IGSF10: variants seen among roughly 807,000 people sequenced by gnomAD.
The protein encoded by IGSF10 is calvaria mechanical force protein 608.
Under a neutral mutation model 128.2 loss-of-function variants are expected in IGSF10, and 126 were observed. That is an observed-to-expected ratio of 0.98 (90% CI 0.85 to 1.14). IGSF10 has a LOEUF of 1.14. Ranked by LOEUF, IGSF10 falls within the 50% of genes most tolerant of loss-of-function variation. The pLI, the probability that IGSF10 is intolerant of heterozygous loss-of-function variation, is 0.00. For synonymous variants in IGSF10, 1,185 were observed against 1,146.2 expected, an observed-to-expected ratio of 1.03 and a Z score of -0.68; for missense variants, 3,295 against 3,149.8, an observed-to-expected ratio of 1.05 and a Z score of -1.10.
chr3:151,566,647 T>C, the IGSF10 span, among the ~76,000 whole-genome samples: 1 of 152,214 alleles, frequency 6.6e-6, no homozygotes, highest in Admixed American at 6.5e-5. Context: ...TTCAGTTCAT[T>C]GGCCAGAATA....
At chr3:151,504,576 A>T in the IGSF10 span, among the ~76,000 whole-genome samples, 120,980 of 152,088 alleles carry the variant, frequency 0.8, 48,250 homozygotes, top group Middle Eastern at 0.9. Context: ...TATCAAACTC[A>T]CATTTCCAAT....
chr3:151,550,373 A>G, the IGSF10 span, among the ~76,000 whole-genome samples: 1 of 152,148 alleles, frequency 6.6e-6, no homozygotes, highest in East Asian at 1.9e-4. Flanking sequence ...TTTAATTGAG[A>G]ATTTATTTTT....
the IGSF10 span, among the ~76,000 whole-genome samples, chr3:151,504,194 T>C: frequency 1.3e-5 from 2 of 152,178 alleles, no homozygotes; most frequent in African/African-American, 2.4e-5. Flanking sequence ...ATTCCTCCTA[T>C]ATTAAATTTA....
the IGSF10 span, among the ~76,000 whole-genome samples, chr3:151,609,362 AT>A: frequency 6.6e-6 from 1 of 152,192 alleles, no homozygotes; most frequent in Non-Finnish European, 1.5e-5. Context: ...TCATTGAAGA[AT>A]TTTAATCAGG....
the IGSF10 span, among the ~76,000 whole-genome samples, chr3:151,578,201 A>C: frequency 6.6e-6 from 1 of 152,224 alleles, no homozygotes; most frequent in South Asian, 2.1e-4. Context: ...GAAATTACCT[A>C]AATTTTTAAT....
chr3:151,593,273 T>A, the IGSF10 span, among the ~76,000 whole-genome samples: 1 of 152,026 alleles, frequency 6.6e-6, no homozygotes, highest in Non-Finnish European at 1.5e-5. Context: ...CAACCATACC[T>A]GGCTAATTTT....
chr3:151,463,457 C>G (rs569971279), upstream of IGSF10, among the ~76,000 whole-genome samples: 2 of 147,942 alleles, frequency 1.4e-5, no homozygotes, highest in East Asian at 2.0e-4. Flanking sequence ...TGATTCAGAG[C>G]CAAAATACAA....
In IGSF10 at chr3:151,443,712, G is replaced by C. The variant is rs1462684994; in HGVS notation, c.5235C>G (p.Pro1745=). 6 of 1,614,146 alleles carry C rather than the reference G, an allele frequency of 3.7e-6. No individual in the cohort carries two copies. The Admixed American group carries it at 6.7e-5, about 18-fold the overall frequency. Reference sequence around the variant, plus strand: ...CTTTGGTACGTCTCTCCAGGATCCTGGGAGGATAGGAAACCACAGACAAGG... The same window carrying C: ...CTTTGGTACGTCTCTCCAGGATCCTCGGAGGATAGGAAACCACAGACAAGG... ...HVTLSVVSYP[P]RILERRTKEI... is the part of the protein sequence containing the mutation. The change falls in exon 7 of 8, where the codon CCC becomes CCG. Residue 1745 remains proline (P), a synonymous_variant. Coordinates refer to ENST00000282466, the MANE Select transcript of IGSF10 (RefSeq NM_178822.5).
the IGSF10 span, among the ~76,000 whole-genome samples, chr3:151,501,295 T>C: frequency 6.6e-6 from 1 of 152,076 alleles, no homozygotes; most frequent in Non-Finnish European, 1.5e-5. Flanking sequence ...AGCCCATTCA[T>C]TCAAGAGCTG....
the IGSF10 span, among the ~76,000 whole-genome samples, chr3:151,486,311 T>C: frequency 6.6e-6 from 1 of 152,140 alleles, no homozygotes; most frequent in Non-Finnish European, 1.5e-5. Context: ...AGCACCCAGA[T>C]ACATAAAGCA....
At chr3:151,525,767 CTT>C in the IGSF10 span, among the ~76,000 whole-genome samples, 121 of 152,284 alleles carry the variant, frequency 7.9e-4, no homozygotes, top group Non-Finnish European at 1.5e-3. Context: ...AGCCCAATCT[CTT>C]TTAAGGGGTT....
the IGSF10 span, among the ~76,000 whole-genome samples, chr3:151,543,093 T>G: frequency 6.6e-6 from 1 of 152,238 alleles, no homozygotes; most frequent in Non-Finnish European, 1.5e-5. Flanking sequence ...AATTTTGGTT[T>G]AATTAAGGCT....
rs1721170746 is a variant in IGSF10, at chr3:151,446,094, G to C, written c.3887C>G (p.Pro1296Arg). ...TTTGCTTATAATACTAGGAAGCATAGGGTTAAGGGGTGGGAAGGGAAGCTC... is the reference window on the plus strand; with the variant it reads ...TTTGCTTATAATACTAGGAAGCATACGGTTAAGGGGTGGGAAGGGAAGCTC... ...KKELPFPPLN[P>R]MLPSIISKDS... Residue 1296 changes from proline to arginine, a missense_variant, in exon 6 of 8, where the codon CCT (proline) becomes CGT (arginine). Transcript: ENST00000282466. The C allele has an allele frequency of 6.2e-7, 1 of 1,614,092 alleles. No homozygotes were observed. The highest frequency in any genetic ancestry group is 1.3e-5 in the African/African-American group (1 of 74,928).
chr3:151,556,421 C>G, the IGSF10 span, among the ~76,000 whole-genome samples: 2 of 152,056 alleles, frequency 1.3e-5, no homozygotes, highest in African/African-American at 2.4e-5. Context: ...TGAAACAGAC[C>G]AGTTATGCTA....
chr3:151,482,461 C>G, the IGSF10 span, among the ~76,000 whole-genome samples: 1 of 152,078 alleles, frequency 6.6e-6, no homozygotes, highest in Non-Finnish European at 1.5e-5. Flanking sequence ...CCATACTGAT[C>G]AGAGGAAAGA....
chr3:151,526,625 G>T, the IGSF10 span, among the ~76,000 whole-genome samples: 1,963 of 151,926 alleles, frequency 0.013, 40 homozygotes, highest in African/African-American at 0.045. Context: ...AAGTTATTTA[G>T]GTTCTTCTAG....
At chr3:151,521,518 C>A in the IGSF10 span, among the ~76,000 whole-genome samples, 1 of 151,952 alleles carries the variant, frequency 6.6e-6, no homozygotes, top group Non-Finnish European at 1.5e-5. Flanking sequence ...CACTCTCAGA[C>A]CCCAGTGCAA....
At chr3:151,594,500 A>AT in the IGSF10 span, among the ~76,000 whole-genome samples, 1 of 151,526 alleles carries the variant, frequency 6.6e-6, no homozygotes, top group Non-Finnish European at 1.5e-5. Flanking sequence ...CGCCCAGCTA[A>AT]TTTTTTGTAC....
At position 151,445,908 on chromosome 3, in the gene IGSF10, G is replaced by A. The variant is rs202079707; in HGVS notation, c.4073C>T (p.Pro1358Leu). 9 of 1,614,010 alleles carry A rather than the reference G, an allele frequency of 5.6e-6. No individual in the cohort carries two copies. In the Admixed American group the frequency reaches 1.2e-4, roughly 21 times the overall value. Residue 1358 changes from proline (P) to leucine (L), a missense_variant, in exon 6 of 8, where the codon CCA becomes CTA. By Grantham distance (98) the Pro-to-Leu change is moderately conservative. Transcript: ENST00000282466. Reference sequence around the variant, plus strand: ...AGAACTCTGGTCTGGAGAGATGTTTGGGTCAGTCCTGTTCTTCTTTTGAGG... The same window carrying A: ...AGAACTCTGGTCTGGAGAGATGTTTAGGTCAGTCCTGTTCTTCTTTTGAGG... Reference protein sequence around the residue: ...QEPQKKNRTDPNISPDQSSGF... With the variant: ...QEPQKKNRTDLNISPDQSSGF...
Sources: gnomAD v4.1 joint callset for allele counts (sites outside exome capture counted in the v4.1 genomes callset) on GRCh38, gnomAD v4.1.1 for gene constraint, MANE v1.5 for transcripts, NCBI Gene and HGNC (gene_info 2026-07-23, HGNC 2026-07-21) for gene names.